The following LNX2 variants were observed in gnomAD, a reference collection of about 807,000 sequenced individuals.
The protein encoded by LNX2 is ligand of Numb protein X 2.
In LNX2, 35 loss-of-function variants were observed where a neutral mutation model predicts 66.2. The observed-to-expected ratio is 0.53, with a 90% CI of 0.40 to 0.70. The LOEUF (loss-of-function observed/expected upper bound fraction) is 0.70, where lower values mean the gene tolerates loss of function less well. LNX2 is among the 30% of genes least tolerant of loss of function. The pLI is 0.00. For synonymous variants in LNX2, 337 were observed against 315.6 expected (o/e 1.07, Z -0.72); for missense variants, 791 against 850.8 (o/e 0.93, Z 0.87).
At chr13:27,573,518 T>C (rs1007386155) in intron 2 of LNX2, among the ~76,000 whole-genome samples, 1 of 151,510 alleles carries the variant, frequency 6.6e-6, no homozygotes, top group African/African-American at 2.4e-5. Flanking sequence ...CTAACCAGAA[T>C]GTTTACAAGG....
At chr13:27,593,742 G>A (rs1955569039) in intron 1 of LNX2, among the ~76,000 whole-genome samples, 1 of 147,200 alleles carries the variant, frequency 6.8e-6, no homozygotes, top group Admixed American at 6.8e-5. Context: ...TTTTGTGTGT[G>A]TGTGTGTGTG....
At chr13:27,605,237 G>A (rs1056838571) in intron 1 of LNX2, among the ~76,000 whole-genome samples, 4 of 152,196 alleles carry the variant, frequency 2.6e-5, no homozygotes, top group African/African-American at 9.6e-5. Flanking sequence ...ATAGAGAGAT[G>A]AATGGCAGAC....
chr13:27,556,884 T>C (rs1332768530), intron 6 of LNX2, among the ~76,000 whole-genome samples: 1 of 152,226 alleles, frequency 6.6e-6, no homozygotes, highest in Non-Finnish European at 1.5e-5. Flanking sequence ...ATCTCCTGAT[T>C]CTCACTGACT....
At chr13:27,611,226 A>C (rs963783463) in intron 1 of LNX2, among the ~76,000 whole-genome samples, 3 of 152,242 alleles carry the variant, frequency 2.0e-5, no homozygotes, top group Non-Finnish European at 4.4e-5. Context: ...CGACAGATAA[A>C]CAAAATGTGG....
At chr13:27,574,021 G>C (rs1380816597) in intron 2 of LNX2, among the ~76,000 whole-genome samples, 1 of 151,098 alleles carries the variant, frequency 6.6e-6, no homozygotes, top group Non-Finnish European at 1.5e-5. Flanking sequence ...TTTTAGATAT[G>C]TTCAAAGAAG....
chr13:27,608,061 T>C (rs1289156853), intron 1 of LNX2, among the ~76,000 whole-genome samples: 1 of 152,220 alleles, frequency 6.6e-6, no homozygotes, highest in African/African-American at 2.4e-5. Context: ...CCACCTGTCT[T>C]GCTCATTGCT....
At chr13:27,609,864 A>G (rs2138476177) in intron 1 of LNX2, among the ~76,000 whole-genome samples, 1 of 152,332 alleles carries the variant, frequency 6.6e-6, no homozygotes, top group Non-Finnish European at 1.5e-5. Flanking sequence ...TAAAAACAGA[A>G]AAGAAATTCA....
chr13:27,556,372 A>T lies in LNX2; in HGVS notation c.1410T>A (p.Thr470=). 6.2e-7 allele frequency: 1 copy of T among 1,613,998 alleles called. No homozygotes were observed. The highest frequency in any genetic ancestry group is 8.5e-7 in the Non-Finnish European group (1 of 1,179,958). Reference sequence around the variant, plus strand: ...GGGATTCATGTGGTTCCTTCTTTACAGTAATGTGTTTTTCTTGGCATGTAA... The same window carrying T: ...GGGATTCATGTGGTTCCTTCTTTACTGTAATGTGTTTTTCTTGGCATGTAA... ...QCVTCQEKHI[T]VKKEPHESLG... is the part of the protein sequence containing the mutation. The change falls in exon 7 of 10, where the codon ACT becomes ACA. Residue 470 remains threonine (T), a synonymous_variant. Transcript: ENST00000316334.
At chr13:27,601,876 C>T (rs1955661516) in intron 1 of LNX2, among the ~76,000 whole-genome samples, 1 of 152,042 alleles carries the variant, frequency 6.6e-6, no homozygotes, top group African/African-American at 2.4e-5. Context: ...TTACTATGAA[C>T]ATTTTCAAAC....
At chr13:27,548,833 A>C (rs1260517213) in intron 9 of LNX2, among the ~76,000 whole-genome samples, 1 of 152,194 alleles carries the variant, frequency 6.6e-6, no homozygotes, top group Non-Finnish European at 1.5e-5. Context: ...TCATTCTTAG[A>C]GCTCATACAT....
chr13:27,567,426 G>A lies in LNX2; in HGVS notation c.855+214C>T, dbSNP rs139771095. ...CTGAGATCATGTGCCAAGCCACATC[G>A]CATGCAGGAATGAAAATTAAGATAG... On this transcript the variant is annotated intron_variant, in intron 4 of 9. Coordinates refer to ENST00000316334, the MANE Select transcript of LNX2 (RefSeq NM_153371.4). Among the ~76,000 whole-genome samples the A allele has an allele frequency of 1.6e-3, 248 of 152,168 alleles. 1 individual carries two copies. The highest frequency in any genetic ancestry group is 5.7e-3 in the African/African-American group (236 of 41,514).
chr13:27,553,421 A>G lies in LNX2; in HGVS notation c.1565T>C (p.Ile522Thr), dbSNP rs757371341. Residue 522 changes from isoleucine (I) to threonine (T), a missense_variant, in exon 8 of 10, where the codon ATC (isoleucine) becomes ACC (threonine). Transcript: ENST00000316334. ...RIKRGDVLLN[I>T]NGIDLTNLSH... ...TAAATTGGTCAAATCAATGCCGTTGATATTTAGCAACACATCACCTGTTCA... is the reference window on the plus strand; with the variant it reads ...TAAATTGGTCAAATCAATGCCGTTGGTATTTAGCAACACATCACCTGTTCA... The G allele has an allele frequency of 5.0e-6, 8 of 1,614,038 alleles. No homozygotes were observed. The South Asian group carries it at 8.8e-5, about 18-fold the overall frequency.
chr13:27,613,797 C>G (rs1358670846), intron 1 of LNX2, among the ~76,000 whole-genome samples: 4 of 152,026 alleles, frequency 2.6e-5, no homozygotes, highest in African/African-American at 9.7e-5. Context: ...AATAAAAATA[C>G]AGGCGAAGCA....
At chr13:27,562,311 A>G in intron 5 of LNX2, 102 bp downstream of exon 5, 2 of 1,401,872 alleles carry the variant, frequency 1.4e-6, no homozygotes, top group Non-Finnish European at 1.9e-6. Context: ...CTAATGAAAT[A>G]TAAAATGTCC....
intron 1 of LNX2, among the ~76,000 whole-genome samples, chr13:27,613,716 C>T (rs892565337): frequency 4.6e-5 from 7 of 151,970 alleles, no homozygotes; most frequent in African/African-American, 4.8e-5. Context: ...TGCCATGAGC[C>T]GAGACTGTGC....
chr13:27,567,119 G>C (rs1409093034), intron 4 of LNX2, among the ~76,000 whole-genome samples: 1 of 152,074 alleles, frequency 6.6e-6, no homozygotes, highest in Admixed American at 6.6e-5. Context: ...AGTGCATTAG[G>C]GAGTTGATAG....
At chr13:27,587,523 T>G (rs914834293) in intron 1 of LNX2, among the ~76,000 whole-genome samples, 1 of 152,170 alleles carries the variant, frequency 6.6e-6, no homozygotes, top group Non-Finnish European at 1.5e-5. Context: ...TATTCATATA[T>G]GAGGAAATAT....
At chr13:27,577,209 T>G (rs1290445917) in intron 2 of LNX2, among the ~76,000 whole-genome samples, 1 of 152,186 alleles carries the variant, frequency 6.6e-6, no homozygotes, top group Non-Finnish European at 1.5e-5. Flanking sequence ...CATTTAAAAT[T>G]GGATTTATCT....
intron 5 of LNX2, among the ~76,000 whole-genome samples, chr13:27,561,920 G>A (rs1373529071): frequency 6.6e-6 from 1 of 152,144 alleles, no homozygotes; most frequent in Admixed American, 6.5e-5. Context: ...ATGCTATGAG[G>A]ACAAATTTTA....
Sources: allele counts gnomAD v4.1 joint callset (sites outside exome capture counted in the v4.1 genomes callset), GRCh38; gene constraint gnomAD v4.1.1; transcripts MANE v1.5; gene names NCBI Gene and HGNC (gene_info 2026-07-23, HGNC 2026-07-21).